Variants in VDAC1 observed in about 807,000 individuals in gnomAD.
VDAC1 encodes non-selective voltage-gated ion channel VDAC1.
In VDAC1, 10 loss-of-function variants were observed where a neutral mutation model predicts 34.7. The ratio of observed to expected loss-of-function variants is 0.29; its 90% CI spans 0.18 to 0.49. VDAC1 has a LOEUF of 0.49. VDAC1 is among the 20% of genes least tolerant of loss of function. The pLI, the probability that VDAC1 is intolerant of heterozygous loss-of-function variation, is 0.99. For missense variants in VDAC1, 230 were observed against 347.9 expected (o/e 0.66, Z 2.69); for synonymous variants, 130 against 136.0 (o/e 0.96, Z 0.30).
chr5:134,049,238 A>G, the VDAC1 span, among the ~76,000 whole-genome samples: 1 of 152,176 alleles, frequency 6.6e-6, no homozygotes, highest in Non-Finnish European at 1.5e-5. Flanking sequence ...ATGATTTCAT[A>G]CTATCCTTTA....
the VDAC1 span, among the ~76,000 whole-genome samples, chr5:134,010,758 C>T: frequency 6.6e-6 from 1 of 152,158 alleles, no homozygotes; most frequent in Non-Finnish European, 1.5e-5. Flanking sequence ...ATATCCACAT[C>T]CTACTCACTG....
intron 5 of VDAC1, among the ~76,000 whole-genome samples, chr5:133,985,490 CTAAAAATACAAAAAT>C (rs1752873384): frequency 6.6e-6 from 1 of 152,092 alleles, no homozygotes; most frequent in African/African-American, 2.4e-5. Context: ...CCTGTCTCTA[CTAAAAATACAAAAAT>C]TAGCAGGACG....
intron 1 of VDAC1, among the ~76,000 whole-genome samples, chr5:133,997,548 A>T (rs537854039): frequency 8.0e-5 from 12 of 149,524 alleles, no homozygotes; most frequent in South Asian, 6.3e-4. Flanking sequence ...AAATAAAAAA[A>T]AAATAAAAAA....
chr5:134,069,184 C>G, the VDAC1 span, among the ~76,000 whole-genome samples: 1 of 152,028 alleles, frequency 6.6e-6, no homozygotes, highest in Non-Finnish European at 1.5e-5. Context: ...AATAATCTGC[C>G]AAATTAGAAA....
At chr5:134,083,480 G>A in the VDAC1 span, among the ~76,000 whole-genome samples, 1 of 152,212 alleles carries the variant, frequency 6.6e-6, no homozygotes, top group Non-Finnish European at 1.5e-5. Context: ...ATGAGCCACT[G>A]TGCCCAGCCA....
chr5:133,988,450 G>C (rs1752982190), intron 5 of VDAC1, among the ~76,000 whole-genome samples: 1 of 152,170 alleles, frequency 6.6e-6, no homozygotes, highest in South Asian at 2.1e-4. Context: ...GCTGGGTGTG[G>C]TGGTGCATTC....
chr5:134,101,909 A>C, the VDAC1 span, among the ~76,000 whole-genome samples: 1 of 152,204 alleles, frequency 6.6e-6, no homozygotes, highest in Non-Finnish European at 1.5e-5. Context: ...CTTCATTCCA[A>C]GAGACACCCT....
At chr5:133,975,779 G>A (rs1752455761) in intron 7 of VDAC1, 92 bp downstream of exon 7, 8 of 1,555,188 alleles carry the variant, frequency 5.1e-6, no homozygotes, top group Middle Eastern at 2.4e-4. Flanking sequence ...CTTTGAGTAA[G>A]CTGAAGCACA....
the VDAC1 span, among the ~76,000 whole-genome samples, chr5:134,015,650 T>A: frequency 6.6e-6 from 1 of 151,892 alleles, no homozygotes; most frequent in South Asian, 2.1e-4. Context: ...TTTGAATCAC[T>A]TTTTTATTTT....
In VDAC1 at chr5:133,993,494, T is replaced by C. The variant is rs377411465; in HGVS notation, c.-6-476A>G. Among the ~76,000 whole-genome samples, 6 of 152,328 alleles carry C rather than the reference T, an allele frequency of 3.9e-5. No homozygotes were observed. In the East Asian group the frequency reaches 9.6e-4, roughly 24 times the overall value. ...AACATCATTTTCCATGTGGCTCTGA[T>C]TTCATTCATTCAACAAATATTTATG... On this transcript the variant is annotated intron_variant, in intron 1 of 8. Transcript: ENST00000265333.
chr5:134,024,442 T>C, the VDAC1 span, among the ~76,000 whole-genome samples: 1 of 149,248 alleles, frequency 6.7e-6, no homozygotes, highest in Non-Finnish European at 1.5e-5. Context: ...AGCAGGAGAA[T>C]TGCTTGAACC....
chr5:134,028,473 T>C, the VDAC1 span, among the ~76,000 whole-genome samples: 31 of 152,320 alleles, frequency 2.0e-4, 1 homozygote, highest in African/African-American at 7.2e-4. Flanking sequence ...TCTTCCATGT[T>C]GCTATGTAGG....
chr5:134,048,408 A>G, the VDAC1 span, among the ~76,000 whole-genome samples: 1 of 152,102 alleles, frequency 6.6e-6, no homozygotes, highest in African/African-American at 2.4e-5. Context: ...CTGGGACTAC[A>G]GGTGTGCATT....
the VDAC1 span, among the ~76,000 whole-genome samples, chr5:134,070,029 G>A: frequency 2.0e-5 from 3 of 152,050 alleles, no homozygotes; most frequent in African/African-American, 7.2e-5. Flanking sequence ...AAAAAGGGGA[G>A]GCATGAATAA....
At chr5:133,979,424 C>T (rs369088201) in intron 6 of VDAC1, among the ~76,000 whole-genome samples, 138 of 80,974 alleles carry the variant, frequency 1.7e-3, no homozygotes, top group African/African-American at 3.8e-3. Flanking sequence ...ATTTTCTTTG[C>T]TTTTTTTTTT....
intron 5 of VDAC1, among the ~76,000 whole-genome samples, chr5:133,987,458 G>A (rs771040776): frequency 3.3e-5 from 5 of 152,100 alleles, no homozygotes; most frequent in Admixed American, 6.6e-5. Flanking sequence ...CGGGTGGATC[G>A]CTTGAGCTGA....
At chr5:133,984,118 C>G (rs1752811725) in intron 5 of VDAC1, among the ~76,000 whole-genome samples, 1 of 152,030 alleles carries the variant, frequency 6.6e-6, no homozygotes, top group Admixed American at 6.6e-5. Context: ...TGCAGTGGTG[C>G]GATCATGGCT....
the VDAC1 span, among the ~76,000 whole-genome samples, chr5:134,096,533 G>A: frequency 2.6e-5 from 4 of 152,130 alleles, no homozygotes; most frequent in Non-Finnish European, 5.9e-5. Flanking sequence ...AGCCAACTAA[G>A]GATGATCTGC....
At chr5:134,062,617 T>G in the VDAC1 span, among the ~76,000 whole-genome samples, 1 of 151,446 alleles carries the variant, frequency 6.6e-6, no homozygotes. Context: ...TTTTGTTTGT[T>G]TTTTGTTTTG....
Sources: allele counts gnomAD v4.1 joint callset (sites outside exome capture counted in the v4.1 genomes callset), GRCh38; gene constraint gnomAD v4.1.1; transcripts MANE v1.5; gene names NCBI Gene and HGNC (gene_info 2026-07-23, HGNC 2026-07-21).